SULF2: variants seen among roughly 807,000 people sequenced by gnomAD.
SULF2 encodes the protein extracellular sulfatase Sulf-2.
In SULF2, 52 loss-of-function variants were observed where a neutral mutation model predicts 107.7. The observed-to-expected ratio is 0.48, with a 90% confidence interval of 0.39 to 0.61. The LOEUF is 0.61. Among genes scored for constraint, SULF2 ranks in the 20% least tolerant of loss-of-function variants. SULF2 has a pLI of 0.00. For missense variants in SULF2, 993 were observed against 1,177.3 expected, an observed-to-expected ratio of 0.84 and a Z score of 2.29; for synonymous variants, 460 against 464.3, an observed-to-expected ratio of 0.99 and a Z score of 0.12.
intron 1 of SULF2, among the ~76,000 whole-genome samples, chr20:47,762,115 T>C (rs1006508719): frequency 6.6e-5 from 10 of 152,224 alleles, no homozygotes. Context: ...AATTACCCAG[T>C]CTCGGGTATG....
At position 47,666,040 on chromosome 20, in the gene SULF2, G is replaced by A. The variant is rs753603375; in HGVS notation, c.1806-87C>T. 4.2e-5 allele frequency: 67 copies of A among 1,584,206 alleles called. No homozygotes were observed. The East Asian group carries it at 1.2e-3, about 28-fold the overall frequency. On this transcript the variant is annotated intron_variant, in intron 12 of 20. Coordinates refer to ENST00000688720, the MANE Select transcript of SULF2 (RefSeq NM_001387048.1). The surrounding 1 kb of genome is among the most constrained non-coding windows in gnomAD (Gnocchi z 5.4). ...CCAAGAGGTGTGGGAAGCCCTTGCC[G>A]AGGTCTGTCCTGTCCCCTTCACCCT...
At chr20:47,766,815 G>A (rs2090536818) in intron 1 of SULF2, among the ~76,000 whole-genome samples, 1 of 152,152 alleles carries the variant, frequency 6.6e-6, no homozygotes, top group Admixed American at 6.5e-5. Flanking sequence ...TAGAAACAAT[G>A]TATTCAAGTC....
At chr20:47,750,042 C>T (rs142161359) in intron 2 of SULF2, among the ~76,000 whole-genome samples, 139 of 152,300 alleles carry the variant, frequency 9.1e-4, no homozygotes, top group Middle Eastern at 3.4e-3. Flanking sequence ...AGTGCAGTGG[C>T]GCGATCTCAG....
chr20:47,671,534 A>T (rs2087471011), intron 11 of SULF2, among the ~76,000 whole-genome samples: 1 of 151,910 alleles, frequency 6.6e-6, no homozygotes, highest in Non-Finnish European at 1.5e-5. Context: ...TCGGCCTCTC[A>T]AAGTGCTGGG....
intron 4 of SULF2, among the ~76,000 whole-genome samples, chr20:47,693,287 T>C (rs972077912): frequency 6.6e-6 from 1 of 152,108 alleles, no homozygotes; most frequent in African/African-American, 2.4e-5. Context: ...AGTCAGGGCC[T>C]GAAGGGGTCA....
At chr20:47,782,646 G>A (rs1178028226) in intron 1 of SULF2, among the ~76,000 whole-genome samples, 1 of 152,142 alleles carries the variant, frequency 6.6e-6, no homozygotes. Context: ...TGCTCTGAGT[G>A]GGCTGAAATC....
intron 4 of SULF2, among the ~76,000 whole-genome samples, chr20:47,693,298 A>C (rs1184171356): frequency 6.6e-6 from 1 of 152,202 alleles, no homozygotes; most frequent in Non-Finnish European, 1.5e-5. Flanking sequence ...GAAGGGGTCA[A>C]GTCAGGAAAT....
intron 5 of SULF2, 61 bp from the exon 6 acceptor site, chr20:47,684,642 C>A: frequency 5.8e-6 from 9 of 1,550,902 alleles, no homozygotes; most frequent in Non-Finnish European, 7.9e-6. Flanking sequence ...CTGCCTGGCC[C>A]CCGCCAGACC....
At chr20:47,661,497 T>G in intron 18 of SULF2, 1 of 279,268 alleles carries the variant, frequency 3.6e-6, no homozygotes, top group Non-Finnish European at 7.1e-6. Flanking sequence ...GAAGTGTTTG[T>G]TGAATGCATG....
At position 47,658,214 on chromosome 20, in the gene SULF2, T is replaced by C; in HGVS notation, c.*148A>G. ...TGCTCCTGCTGGTTATCCTCCAGAA[T>C]CTGTCATGTTGACTGAGAGTGCGTG... On this transcript the variant is annotated 3_prime_UTR_variant, in exon 21 of 21. Coordinates refer to ENST00000688720, the MANE Select transcript of SULF2 (RefSeq NM_001387048.1). 2.6e-6 allele frequency: 2 copies of C among 770,834 alleles called. No individual in the cohort carries two copies. The highest frequency in any genetic ancestry group is 4.5e-6 in the Non-Finnish European group (2 of 441,158). The allele number at this position is 770,834 out of a possible 1,614,324, so 47.7% of individuals were successfully genotyped here.
Position 47,780,154 on chromosome 20 carries a change from C to CT in SULF2, c.-101+5188dup, listed in dbSNP as rs375024468. 6.7e-3 allele frequency among the ~76,000 whole-genome samples: 1,013 copies of CT among 151,210 alleles called. 16 individuals are homozygous for CT. Among genetic ancestry groups the CT allele is most frequent in the African/African-American group, 0.023 (949 of 41,184 alleles). On this transcript the variant is annotated intron_variant, in intron 1 of 20. Coordinates refer to ENST00000688720, the MANE Select transcript of SULF2 (RefSeq NM_001387048.1). ...GTCTCAGCCTCCCAAATAGCTGGGACTACAGGCACGTGCCACCACACCTGG... is the reference window on the plus strand; with the variant it reads ...GTCTCAGCCTCCCAAATAGCTGGGACTTACAGGCACGTGCCACCACACCTGG...
In SULF2 at chr20:47,672,086, A is replaced by G. The variant is rs982645845; in HGVS notation, c.1576+112T>C. ...ATGTGGCTGTGTCCCCAGCCCCTAGATCACCACCTGGCAAAGTGACAGTCT... is the reference window on the plus strand; with the variant it reads ...ATGTGGCTGTGTCCCCAGCCCCTAGGTCACCACCTGGCAAAGTGACAGTCT... On this transcript the variant is annotated intron_variant, in intron 11 of 20. Coordinates refer to ENST00000688720, the MANE Select transcript of SULF2 (RefSeq NM_001387048.1). 1.0e-5 allele frequency: 12 copies of G among 1,196,912 alleles called. No homozygotes were observed. In the Admixed American group the frequency reaches 2.1e-4, roughly 21 times the overall value. 74.1% of individuals were successfully genotyped at this position (1,196,912 alleles called of 1,614,324 possible).
chr20:47,687,058 T>A (rs1362567393), intron 5 of SULF2, among the ~76,000 whole-genome samples: 3 of 152,072 alleles, frequency 2.0e-5, no homozygotes, highest in Non-Finnish European at 4.4e-5. Context: ...GGAAAATTGG[T>A]CCCGCAGGCC....
At chr20:47,682,013 C>G (rs1000516065) in intron 7 of SULF2, among the ~76,000 whole-genome samples, 1 of 152,104 alleles carries the variant, frequency 6.6e-6, no homozygotes, top group Admixed American at 6.5e-5. Context: ...AGTTCTTAGA[C>G]CAGGCCCTGA....
At position 47,757,212 on chromosome 20, in the gene SULF2, G is replaced by A. The variant is rs760330029; in HGVS notation, c.152C>T (p.Thr51Met). 4.0e-5 allele frequency: 63 copies of A among 1,560,024 alleles called. No homozygotes were observed. Among genetic ancestry groups the A allele is most frequent in the East Asian group, 3.8e-4 (16 of 41,618 alleles). ...NIRPNIILVL[T>M]DDQDVELGSM... is the part of the protein sequence containing the mutation. ...ACCCAGCTCCACATCCTGGTCGTCCGTCAGCACCAGGATGATGTTGGGGCG... is the reference window on the plus strand; with the variant it reads ...ACCCAGCTCCACATCCTGGTCGTCCATCAGCACCAGGATGATGTTGGGGCG... Residue 51 changes from threonine to methionine, a missense_variant, in exon 2 of 21, where the codon ACG (threonine) becomes ATG (methionine). Physicochemically the swap from Thr to Met is moderately conservative, Grantham distance 81. Coordinates refer to ENST00000688720, the MANE Select transcript of SULF2 (RefSeq NM_001387048.1).
At chr20:47,671,804 T>G (rs1487849945) in intron 11 of SULF2, among the ~76,000 whole-genome samples, 2 of 152,154 alleles carry the variant, frequency 1.3e-5, no homozygotes, top group African/African-American at 2.4e-5. Context: ...AGCCTCTGCC[T>G]CCTGGGTTCA....
In SULF2 at chr20:47,758,578, CT is replaced by C. The variant is rs1253066636; in HGVS notation, c.-100-1116del. 2.6e-5 allele frequency among the ~76,000 whole-genome samples: 4 copies of C among 152,282 alleles called. No homozygotes were observed. The East Asian group carries it at 7.7e-4, about 29-fold the overall frequency. ...GGCCACTGTGCCCTCAGTCACCCCC[CT>C]GGCCCCAGGTCAGACTAGGTCACCA... On this transcript the variant is annotated intron_variant, in intron 1 of 20. Coordinates refer to ENST00000688720, the MANE Select transcript of SULF2 (RefSeq NM_001387048.1).
intron 1 of SULF2, among the ~76,000 whole-genome samples, chr20:47,775,373 G>A (rs533588187): frequency 6.6e-6 from 1 of 152,336 alleles, no homozygotes; most frequent in South Asian, 2.1e-4. Flanking sequence ...AGAGCTGCCA[G>A]CCATTTGAAT....
chr20:47,687,561 C>T (rs975144269), intron 5 of SULF2, among the ~76,000 whole-genome samples: 14 of 152,260 alleles, frequency 9.2e-5, no homozygotes, highest in African/African-American at 3.1e-4. Context: ...CCACAATCAG[C>T]GCCCTTTGAA....
Sources: gnomAD v4.1 joint callset for allele counts (sites outside exome capture counted in the v4.1 genomes callset) on GRCh38, gnomAD v4.1.1 for gene constraint, Gnocchi (gnomAD v3.1) non-coding constraint, MANE v1.5 for transcripts, NCBI Gene and HGNC (gene_info 2026-07-23, HGNC 2026-07-21) for gene names.